AUTS2: variants seen among roughly 807,000 people sequenced by gnomAD.
The protein encoded by AUTS2 is autism susceptibility gene 2 protein.
In AUTS2, 17 loss-of-function variants were observed where a neutral mutation model predicts 112.4. The ratio of observed to expected loss-of-function variants is 0.15; its 90% CI spans 0.10 to 0.23. The LOEUF is 0.23. Among genes scored for constraint, AUTS2 ranks in the 10% least tolerant of loss-of-function variants. The probability of loss-of-function intolerance (pLI) is 1.00; values close to 1 mark genes in which losing one functional copy is unlikely to be tolerated. For missense variants in AUTS2, 1,510 were observed against 1,701.6 expected, an observed-to-expected ratio of 0.89 and a Z score of 1.98; for synonymous variants, 751 against 702.7, an observed-to-expected ratio of 1.07 and a Z score of -1.09.
rs369678790 is a variant in AUTS2, at chr7:70,748,148, A to G, written c.743-14722A>G. 2.6e-4 allele frequency among the ~76,000 whole-genome samples: 40 copies of G among 152,200 alleles called. 1 individual carries two copies. The South Asian group carries it at 7.7e-3, about 29-fold the overall frequency. Reference sequence around the variant, plus strand: ...TGGCCCAGAGAGCTCATTTCTAACAAGCTATTATCACCATCCTCACTGCTT... The same window carrying G: ...TGGCCCAGAGAGCTCATTTCTAACAGGCTATTATCACCATCCTCACTGCTT... On this transcript the variant is annotated intron_variant, in intron 6 of 18. Transcript: ENST00000342771.
intron 1 of AUTS2, among the ~76,000 whole-genome samples, chr7:69,741,082 A>T (rs1353031517): frequency 6.6e-6 from 1 of 152,154 alleles, no homozygotes; most frequent in Non-Finnish European, 1.5e-5. Flanking sequence ...CTGTGGTGGT[A>T]ATTTCTCATC....
At chr7:70,163,880 C>G (rs1808243520) in intron 4 of AUTS2, among the ~76,000 whole-genome samples, 1 of 152,142 alleles carries the variant, frequency 6.6e-6, no homozygotes, top group Non-Finnish European at 1.5e-5. Flanking sequence ...ATGTGCAGGG[C>G]TAGGCTAAGA....
intron 4 of AUTS2, among the ~76,000 whole-genome samples, chr7:70,148,222 A>G (rs1342961750): frequency 6.6e-6 from 1 of 152,156 alleles, no homozygotes; most frequent in East Asian, 1.9e-4. Flanking sequence ...ATGAAAAGTA[A>G]GAAGACTTAG....
At chr7:70,402,178 A>G (rs1794355318) in intron 4 of AUTS2, among the ~76,000 whole-genome samples, 1 of 152,248 alleles carries the variant, frequency 6.6e-6, no homozygotes, top group East Asian at 1.9e-4. Flanking sequence ...GGCACATCTT[A>G]AGTGAAAGAA....
chr7:70,193,005 A>G (rs1809982995), intron 4 of AUTS2, among the ~76,000 whole-genome samples: 1 of 152,242 alleles, frequency 6.6e-6, no homozygotes, highest in Admixed American at 6.5e-5. Context: ...GAAAGCCAGT[A>G]TGTGCGAAGA....
chr7:69,929,908 T>A (rs1003084974), intron 2 of AUTS2, among the ~76,000 whole-genome samples: 1 of 152,336 alleles, frequency 6.6e-6, no homozygotes, highest in South Asian at 2.1e-4. Flanking sequence ...ATTGTGAATT[T>A]TACCTTGTTG....
intron 4 of AUTS2, among the ~76,000 whole-genome samples, chr7:70,334,494 T>C (rs9918496): frequency 0.29 from 44,394 of 151,700 alleles, 6,747 homozygotes; most frequent in African/African-American, 0.38. Context: ...GTGTAGAGTA[T>C]TGGGGGCAGA....
rs796312266 is a variant in AUTS2 at position 70,260,754 on chromosome 7, C to CT, written c.660+126196dup. On this transcript the variant is annotated intron_variant, in intron 4 of 18. Coordinates refer to ENST00000342771, the MANE Select transcript of AUTS2 (RefSeq NM_015570.4). Reference sequence around the variant, plus strand: ...CACAAAGACCTGTACCCTTTTTACACTTTTTTTTTTTTTAAGACAGAGTCT... The same window carrying CT: ...CACAAAGACCTGTACCCTTTTTACACTTTTTTTTTTTTTTAAGACAGAGTCT... 4.3e-3 allele frequency among the ~76,000 whole-genome samples: 623 copies of CT among 144,728 alleles called. 1 individual carries two copies. The highest frequency in any genetic ancestry group is 0.011 in the African/African-American group (426 of 39,770). 94.9% of individuals were successfully genotyped at this position (144,728 alleles called of 152,430 possible).
chr7:70,166,047 C>T (rs1035545463), intron 4 of AUTS2, among the ~76,000 whole-genome samples: 1 of 152,136 alleles, frequency 6.6e-6, no homozygotes, highest in South Asian at 2.1e-4. Context: ...TATGGTAAGA[C>T]GTGCTTGTTT....
intron 1 of AUTS2, among the ~76,000 whole-genome samples, chr7:69,838,969 C>G (rs939443472): frequency 6.6e-6 from 1 of 152,148 alleles, no homozygotes; most frequent in Non-Finnish European, 1.5e-5. Context: ...AAATCCTAAC[C>G]GGCAACAGAT....
intron 6 of AUTS2, among the ~76,000 whole-genome samples, chr7:70,721,313 T>TGTGTG (rs1563151700): frequency 5.3e-5 from 8 of 151,128 alleles, no homozygotes; most frequent in Non-Finnish European, 5.9e-5. Context: ...TGTGTGTGTG[T>TGTGTG]TTCCGATGGA....
At chr7:70,090,961 T>C (rs922166174) in intron 2 of AUTS2, among the ~76,000 whole-genome samples, 2 of 152,204 alleles carry the variant, frequency 1.3e-5, no homozygotes, top group Non-Finnish European at 2.9e-5. Context: ...ATTACAGGCA[T>C]GAACTGCCAC....
intron 1 of AUTS2, among the ~76,000 whole-genome samples, chr7:69,695,315 C>CAAG (rs954624985): frequency 1.3e-5 from 2 of 151,456 alleles, no homozygotes; most frequent in Non-Finnish European, 1.5e-5. Flanking sequence ...AGCAACAGAT[C>CAAG]AAGACTCTTG....
chr7:69,610,976 A>C (rs746060467), intron 1 of AUTS2, among the ~76,000 whole-genome samples: 13 of 152,206 alleles, frequency 8.5e-5, no homozygotes, highest in Non-Finnish European at 1.5e-4. Context: ...AAAACATCTA[A>C]TTATACCCTA....
At chr7:70,475,902 G>A (rs1797564603) in intron 5 of AUTS2, among the ~76,000 whole-genome samples, 1 of 152,124 alleles carries the variant, frequency 6.6e-6, no homozygotes, top group Non-Finnish European at 1.5e-5. Flanking sequence ...GGTGGTGGGT[G>A]CCTGTAGTCC....
At chr7:70,595,925 G>A (rs948067648) in intron 5 of AUTS2, among the ~76,000 whole-genome samples, 3 of 152,088 alleles carry the variant, frequency 2.0e-5, no homozygotes, top group African/African-American at 4.8e-5. Context: ...CCCGTGCCTT[G>A]CCGGGATGGC....
chr7:70,151,139 A>T (rs1436436673), intron 4 of AUTS2, among the ~76,000 whole-genome samples: 1 of 152,164 alleles, frequency 6.6e-6, no homozygotes, highest in Non-Finnish European at 1.5e-5. Context: ...AGGTAGCAAA[A>T]ATTCAAAGGA....
At chr7:69,920,391 A>G (rs940279036) in intron 2 of AUTS2, among the ~76,000 whole-genome samples, 18 of 151,486 alleles carry the variant, frequency 1.2e-4, no homozygotes, top group Non-Finnish European at 1.3e-4. Flanking sequence ...GGCTCAAGCA[A>G]TCCTCCCGTT....
chr7:70,255,074 CTTTTTTTTTTT>C (rs3078929), intron 4 of AUTS2, among the ~76,000 whole-genome samples: 24 of 129,636 alleles, frequency 1.9e-4, no homozygotes, highest in African/African-American at 6.4e-4. Flanking sequence ...TCAAAATTAC[CTTTTTTTTTTT>C]TTTTTTTTGA....
Sources: gnomAD v4.1 joint callset for allele counts (sites outside exome capture counted in the v4.1 genomes callset) on GRCh38, gnomAD v4.1.1 for gene constraint, MANE v1.5 for transcripts, NCBI Gene and HGNC (gene_info 2026-07-23, HGNC 2026-07-21) for gene names.